Variants in BICC1 observed in about 807,000 individuals in gnomAD.
BICC1 encodes protein bicaudal C homolog 1.
A neutral mutation model predicts 111.0 loss-of-function variants in BICC1; 43 were observed. That is an observed-to-expected ratio of 0.39 (90% confidence interval 0.30 to 0.50). BICC1 has a LOEUF of 0.50. BICC1 is among the 20% of genes least tolerant of loss of function. The probability of loss-of-function intolerance (pLI) is 0.88; values close to 1 mark genes in which losing one functional copy is unlikely to be tolerated. For synonymous variants in BICC1, 467 were observed against 434.4 expected, an observed-to-expected ratio of 1.07 and a Z score of -0.93; for missense variants, 1,091 against 1,203.2, an observed-to-expected ratio of 0.91 and a Z score of 1.38.
intron 1 of BICC1, among the ~76,000 whole-genome samples, chr10:58,533,725 A>G (rs1842743736): frequency 6.6e-6 from 1 of 151,862 alleles, no homozygotes; most frequent in Non-Finnish European, 1.5e-5. Context: ...ACTAAACAGT[A>G]ACATGAAAGG....
intron 18 of BICC1, among the ~76,000 whole-genome samples, chr10:58,814,617 C>CCAAAA (rs1804605237): frequency 9.7e-5 from 6 of 61,560 alleles, no homozygotes; most frequent in Non-Finnish European, 2.0e-4. Flanking sequence ...TTCATCTCTA[C>CCAAAA]TAAAAAAAAA....
chr10:58,699,072 A>G (rs1027143968), intron 2 of BICC1, among the ~76,000 whole-genome samples: 1 of 152,210 alleles, frequency 6.6e-6, no homozygotes, highest in African/African-American at 2.4e-5. Flanking sequence ...TTTTCTAGTC[A>G]TATAGGAGAG....
intron 1 of BICC1, among the ~76,000 whole-genome samples, chr10:58,521,904 T>A (rs1363367088): frequency 6.6e-6 from 1 of 150,656 alleles, no homozygotes; most frequent in East Asian, 2.0e-4. Flanking sequence ...CTTTTGTGAG[T>A]CTAATGGAGA....
At chr10:58,643,919 A>C (rs944797081) in intron 2 of BICC1, among the ~76,000 whole-genome samples, 1 of 152,226 alleles carries the variant, frequency 6.6e-6, no homozygotes, top group African/African-American at 2.4e-5. Context: ...TGTCCTCAAC[A>C]GCACCTACCC....
rs149575039 is a variant in BICC1 at position 58,520,932 on chromosome 10, G to T, written c.190+7599G>T. On this transcript the variant is annotated intron_variant, in intron 1 of 20. Coordinates refer to ENST00000373886, the MANE Select transcript of BICC1 (RefSeq NM_001080512.3). ...TGTACCATATGTCAGGTGCAGTGTT[G>T]AGCTTTGGGGATGCAGATGAAACCA... is the stretch of plus-strand genomic sequence containing the variant. Among the ~76,000 whole-genome samples, 3 of 152,110 alleles carry T rather than the reference G, an allele frequency of 2.0e-5. No homozygotes were observed. In the South Asian group the frequency reaches 6.2e-4, roughly 32 times the overall value.
At chr10:58,786,591 T>C (rs915462624) in intron 4 of BICC1, among the ~76,000 whole-genome samples, 1 of 152,226 alleles carries the variant, frequency 6.6e-6, no homozygotes. Flanking sequence ...TTGAATTAAA[T>C]GTTTCGTGAA....
intron 1 of BICC1, among the ~76,000 whole-genome samples, chr10:58,609,960 G>T (rs564480147): frequency 9.8e-5 from 15 of 152,324 alleles, no homozygotes; most frequent in East Asian, 7.7e-4. Context: ...TATATAAGAA[G>T]AAATAGTGTC....
At chr10:58,824,594 A>G (rs768812783) in intron 20 of BICC1, among the ~76,000 whole-genome samples, 1 of 152,088 alleles carries the variant, frequency 6.6e-6, no homozygotes, top group African/African-American at 2.4e-5. Flanking sequence ...TACAACCTGA[A>G]TCTGTGTCGT....
At chr10:58,579,832 G>A (rs577751365) in intron 1 of BICC1, among the ~76,000 whole-genome samples, 15 of 152,222 alleles carry the variant, frequency 9.9e-5, no homozygotes, top group Admixed American at 9.2e-4. Flanking sequence ...AGCACTGGAA[G>A]TCTTCCAAAG....
At chr10:58,604,989 C>G (rs1845162529) in intron 1 of BICC1, among the ~76,000 whole-genome samples, 1 of 152,084 alleles carries the variant, frequency 6.6e-6, no homozygotes, top group South Asian at 2.1e-4. Context: ...GGGTGCTAAT[C>G]CCATTTTGAG....
At chr10:58,717,593 T>G (rs1840788162) in intron 3 of BICC1, among the ~76,000 whole-genome samples, 1 of 152,238 alleles carries the variant, frequency 6.6e-6, no homozygotes, top group South Asian at 2.1e-4. Context: ...ATTATTTTTG[T>G]AGCTGCATGA....
At chr10:58,576,443 T>C (rs186363954) in intron 1 of BICC1, among the ~76,000 whole-genome samples, 21 of 152,334 alleles carry the variant, frequency 1.4e-4, no homozygotes, top group South Asian at 1.2e-3. Context: ...TTCTGTATTA[T>C]CTGCTTGCTC....
At chr10:58,610,180 T>C (rs1422143625) in intron 1 of BICC1, among the ~76,000 whole-genome samples, 1 of 152,206 alleles carries the variant, frequency 6.6e-6, no homozygotes, top group East Asian at 1.9e-4. Context: ...TTCTCAAATT[T>C]TTGGGAATAT....
At chr10:58,542,361 T>C (rs1321186951) in intron 1 of BICC1, among the ~76,000 whole-genome samples, 2 of 151,904 alleles carry the variant, frequency 1.3e-5, no homozygotes, top group East Asian at 3.9e-4. Context: ...TTATACCAGA[T>C]TAAAAAAAAT....
At chr10:58,769,372 A>ATTG (rs1491259813) in intron 3 of BICC1, among the ~76,000 whole-genome samples, 58 of 86,236 alleles carry the variant, frequency 6.7e-4, no homozygotes, top group African/African-American at 2.0e-3. Flanking sequence ...TAGTTTTATA[A>ATTG]TGTATGTGTG....
chr10:58,609,816 T>C (rs1845357150), intron 1 of BICC1, among the ~76,000 whole-genome samples: 1 of 152,214 alleles, frequency 6.6e-6, no homozygotes, highest in Non-Finnish European at 1.5e-5. Context: ...TCCATTAAAC[T>C]ATGAACATTG....
At chr10:58,803,263 A>G (rs1218631381) in intron 15 of BICC1, 21 bp downstream of exon 15, 4 of 1,560,288 alleles carry the variant, frequency 2.6e-6, no homozygotes, top group Non-Finnish European at 3.5e-6. Flanking sequence ...TAAAATAGGA[A>G]AGCCACTCAA....
chr10:58,543,415 G>A (rs1276670200), intron 1 of BICC1, among the ~76,000 whole-genome samples: 3 of 152,100 alleles, frequency 2.0e-5, no homozygotes, highest in Non-Finnish European at 2.9e-5. Context: ...GCAAGATAAG[G>A]AAGTTCTGTG....
At chr10:58,822,598 A>AT (rs1273688343) in intron 20 of BICC1, among the ~76,000 whole-genome samples, 12 of 152,156 alleles carry the variant, frequency 7.9e-5, no homozygotes, top group Non-Finnish European at 1.6e-4. Context: ...AAAATACTTT[A>AT]TGGCTGCTCT....
Sources: gnomAD v4.1 joint callset for allele counts (sites outside exome capture counted in the v4.1 genomes callset) on GRCh38, gnomAD v4.1.1 for gene constraint, MANE v1.5 for transcripts, NCBI Gene and HGNC (gene_info 2026-07-23, HGNC 2026-07-21) for gene names.